The following ECHDC1 variants were observed in gnomAD, a reference collection of about 807,000 sequenced individuals.
ECHDC1 encodes the protein ethylmalonyl-CoA decarboxylase.
A neutral mutation model predicts 29.7 loss-of-function variants in ECHDC1; 29 were observed. The observed-to-expected ratio is 0.98, with a 90% CI of 0.73 to 1.33. The LOEUF (loss-of-function observed/expected upper bound fraction) is 1.33, where lower values mean the gene tolerates loss of function less well. Among genes scored for constraint, ECHDC1 ranks in the 40% most tolerant of loss-of-function variants. ECHDC1 has a pLI of 0.00. For missense variants in ECHDC1, 328 were observed against 350.0 expected (o/e 0.94, Z 0.50); for synonymous variants, 126 against 123.1 (o/e 1.02, Z -0.15).
At chr6:127,313,476 A>T (rs1782111523) in intron 5 of ECHDC1, 2 of 415,824 alleles carry the variant, frequency 4.8e-6, no homozygotes, top group South Asian at 1.7e-5. Context: ...ATGCTGGGAT[A>T]ACAGGCATGA....
At position 127,327,148 on chromosome 6, in the gene ECHDC1, C is replaced by A. The variant is rs765890573; in HGVS notation, c.221-4G>T. 3 of 1,609,538 alleles carry A rather than the reference C, an allele frequency of 1.9e-6. No homozygotes were observed. Among genetic ancestry groups the A allele is most frequent in the Non-Finnish European group, 2.5e-6 (3 of 1,177,992 alleles). ...AGAAGTTGTAGCATCATAACACCTG[C>A]CAGAGATGGAAGTGGGAAATCACAA... On this transcript the variant is annotated splice_polypyrimidine_tract_variant and splice_region_variant and intron_variant, in intron 2 of 5. Coordinates refer to ENST00000454859, the MANE Select transcript of ECHDC1 (RefSeq NM_001002030.2).
At chr6:127,341,152 A>G (rs1004402647) in intron 1 of ECHDC1, among the ~76,000 whole-genome samples, 4 of 151,960 alleles carry the variant, frequency 2.6e-5, no homozygotes, top group Admixed American at 6.6e-5. Context: ...CTCTCATTCT[A>G]TTCCCTCCCA....
intron 2 of ECHDC1, among the ~76,000 whole-genome samples, chr6:127,329,177 A>C (rs1274003797): frequency 1.3e-5 from 2 of 152,170 alleles, no homozygotes; most frequent in Non-Finnish European, 2.9e-5. Context: ...AATCCATACC[A>C]GTAGTTACTG....
chr6:127,330,707 C>T, intron 2 of ECHDC1, 102 bp downstream of exon 2: 2 of 937,032 alleles, frequency 2.1e-6, no homozygotes, highest in South Asian at 1.6e-5. Flanking sequence ...ACCAAGAGTA[C>T]AAGGACTTTA....
At position 127,307,648 on chromosome 6, in the gene ECHDC1, G is replaced by GAAAAAA. The variant is rs71024770; in HGVS notation, c.497+7162_497+7167dup. Reference sequence around the variant, plus strand: ...GGTGACAGAGTGATACTCTGTCTCAGAAAAAAAAAAAAAAGACAGAAAGAA... The same window carrying GAAAAAA: ...GGTGACAGAGTGATACTCTGTCTCAGAAAAAAAAAAAAAAAAAAAAGACAGAAAGAA... On this transcript the variant is annotated intron_variant, in intron 5 of 5. Transcript: ENST00000454859. Among the ~76,000 whole-genome samples, 348 of 48,644 alleles carry GAAAAAA rather than the reference G, an allele frequency of 7.2e-3. 29 individuals carry two copies. The highest frequency in any genetic ancestry group is 0.02 in the African/African-American group (306 of 15,088). 31.9% of individuals were successfully genotyped at this position (48,644 alleles called of 152,430 possible). A position where few individuals can be genotyped will look rare whatever the true frequency, so the allele number is the denominator to read the frequency against.
At chr6:127,331,147 ATTTCT>A (rs1200436519) in intron 1 of ECHDC1, 117 bp from the exon 2 acceptor site, 1 of 676,154 alleles carries the variant, frequency 1.5e-6, no homozygotes, top group Admixed American at 3.6e-5. Context: ...ATACTTCCCC[ATTTCT>A]TTTTTTTTTT....
At chr6:127,340,392 T>TCTCTC (rs1209749912) in intron 1 of ECHDC1, among the ~76,000 whole-genome samples, 1 of 152,154 alleles carries the variant, frequency 6.6e-6, no homozygotes, top group African/African-American at 2.4e-5. Context: ...TTCTCCCTCC[T>TCTCTC]CTCTCCTCTC....
chr6:127,327,012 C>T lies in ECHDC1; in HGVS notation c.353G>A (p.Gly118Glu). Residue 118 changes from glycine to glutamate, a missense_variant, in exon 3 of 6, where the codon GGA (glycine) becomes GAA (glutamate). Physicochemically the swap from Gly to Glu is moderately conservative, Grantham distance 98 (BLOSUM62 -2). Coordinates refer to ENST00000454859, the MANE Select transcript of ECHDC1 (RefSeq NM_001002030.2). The stretch of plus-strand genomic sequence containing the variant: ...TCATATAACACTTGCCTCTGGAGTT[C>T]CTAGTGATTTCACAGCATTCAGATC... ...GSDLNAVKSL[G>E]TPEDGMAVCM... is the part of the protein sequence containing the mutation. 1 of 1,613,292 alleles carries T rather than the reference C, an allele frequency of 6.2e-7. No homozygotes were observed. Among genetic ancestry groups the T allele is most frequent in the Non-Finnish European group, 8.5e-7 (1 of 1,179,604 alleles).
At chr6:127,342,839 C>T (rs1785075893) in intron 1 of ECHDC1, 1 of 154,926 alleles carries the variant, frequency 6.5e-6, no homozygotes, top group Non-Finnish European at 1.4e-5. Flanking sequence ...AATGAAAGAA[C>T]CTCTACCAGA....
At chr6:127,310,277 A>G (rs1781798836) in intron 5 of ECHDC1, among the ~76,000 whole-genome samples, 1 of 152,174 alleles carries the variant, frequency 6.6e-6, no homozygotes, top group South Asian at 2.1e-4. Flanking sequence ...TAAATGCTTG[A>G]GGGGATGGAA....
At chr6:127,317,970 A>C (rs1312122943) in intron 3 of ECHDC1, 1 of 152,158 alleles carries the variant, frequency 6.6e-6, no homozygotes, top group Non-Finnish European at 1.5e-5. Context: ...GTATGGCTGG[A>C]GACAACAGCT....
chr6:127,322,161 C>G (rs1782883913), intron 3 of ECHDC1, among the ~76,000 whole-genome samples: 1 of 152,028 alleles, frequency 6.6e-6, no homozygotes, highest in Non-Finnish European at 1.5e-5. Flanking sequence ...CAAAAATTAG[C>G]TGGGCATGGT....
chr6:127,304,744 G>A (rs1346913915), intron 5 of ECHDC1, among the ~76,000 whole-genome samples: 1 of 152,146 alleles, frequency 6.6e-6, no homozygotes, highest in Non-Finnish European at 1.5e-5. Context: ...GCTGAAAAAT[G>A]CAACTGGCAT....
At chr6:127,339,557 G>A (rs1025590195) in intron 1 of ECHDC1, among the ~76,000 whole-genome samples, 3 of 151,944 alleles carry the variant, frequency 2.0e-5, no homozygotes, top group Non-Finnish European at 4.4e-5. Context: ...CAGATCGCCT[G>A]AGGTCAGGAG....
intron 4 of ECHDC1, chr6:127,316,218 T>C (rs1055292271): frequency 2.1e-6 from 1 of 471,956 alleles, no homozygotes; most frequent in African/African-American, 2.0e-5. Flanking sequence ...TTAGGGGATA[T>C]GTCTTAAATT....
chr6:127,331,896 T>A, intron 1 of ECHDC1: 1 of 984,940 alleles, frequency 1.0e-6, no homozygotes. Context: ...GAAATAGGAA[T>A]GTGTGTGTGG....
Position 127,330,996 on chromosome 6 carries a change from CAG to C in ECHDC1, c.31_32del (p.Leu11ValfsTer16). 6.2e-7 allele frequency: 1 copy of C among 1,613,692 alleles called. No individual in the cohort carries two copies. On this transcript the variant is annotated frameshift_variant, in exon 2 of 6. Transcript: ENST00000454859. LOFTEE classifies it high-confidence loss of function. ...GATGTAGCAATTTTGTCCTTCCAGA[CAG>C]AGAGGCTGTCTTCAAAAGACTTTTC... is the stretch of plus-strand genomic sequence containing the variant. Reference protein sequence around the residue: MAKSLLKTASLSGRTKLLHQT... With the variant: MAKSLLKTASXSGRTKLLHQT...
intron 3 of ECHDC1, 56 bp from the exon 4 acceptor site, chr6:127,316,558 A>T (rs1782399831): frequency 1.4e-6 from 2 of 1,442,200 alleles, no homozygotes; most frequent in Non-Finnish European, 1.9e-6. Context: ...ATTACATTAA[A>T]TTTTTTAAAT....
At chr6:127,318,734 G>A (rs902403554) in intron 3 of ECHDC1, among the ~76,000 whole-genome samples, 2 of 152,152 alleles carry the variant, frequency 1.3e-5, no homozygotes, top group Admixed American at 1.3e-4. Flanking sequence ...AAAATGTTTT[G>A]CACATAGTGT....
Sources: gnomAD v4.1 joint callset for allele counts (sites outside exome capture counted in the v4.1 genomes callset) on GRCh38, gnomAD v4.1.1 for gene constraint, MANE v1.5 for transcripts, NCBI Gene and HGNC (gene_info 2026-07-23, HGNC 2026-07-21) for gene names.